SDK1: variants seen among roughly 807,000 people sequenced by gnomAD.
SDK1 encodes the protein protein sidekick-1.
In SDK1, 157 loss-of-function variants were observed where a neutral mutation model predicts 245.5. That is an observed-to-expected ratio of 0.64 (90% CI 0.56 to 0.73). The LOEUF is 0.73. Ranked by LOEUF, SDK1 falls within the 30% of genes least tolerant of loss-of-function variation. The pLI, the probability that SDK1 is intolerant of heterozygous loss-of-function variation, is 0.00. For missense variants in SDK1, 3,583 were observed against 3,002.3 expected (o/e 1.19, Z -4.52); for synonymous variants, 1,647 against 1,278.5 (o/e 1.29, Z -6.15).
intron 4 of SDK1, among the ~76,000 whole-genome samples, chr7:3,660,303 C>A (rs971051678): frequency 1.3e-5 from 2 of 151,846 alleles, no homozygotes; most frequent in Admixed American, 6.6e-5. Context: ...ATACCATGGA[C>A]CACCAAGAAG....
At chr7:3,552,707 T>G (rs772624908) in intron 1 of SDK1, among the ~76,000 whole-genome samples, 5 of 152,228 alleles carry the variant, frequency 3.3e-5, no homozygotes, top group Non-Finnish European at 5.9e-5. Context: ...TTAGCTGTCA[T>G]GCAATTTGCT....
At chr7:4,112,431 A>T (rs144587848) in intron 23 of SDK1, among the ~76,000 whole-genome samples, 9 of 152,300 alleles carry the variant, frequency 5.9e-5, no homozygotes, top group African/African-American at 1.9e-4. Context: ...TTGGGGTTCA[A>T]GATATTTTCC....
chr7:3,765,077 A>G (rs1168959220), intron 4 of SDK1, among the ~76,000 whole-genome samples: 1 of 152,176 alleles, frequency 6.6e-6, no homozygotes, highest in Non-Finnish European at 1.5e-5. Flanking sequence ...TCTTTTAATA[A>G]TTATAGTTTT....
intron 1 of SDK1, among the ~76,000 whole-genome samples, chr7:3,428,071 G>T (rs749789777): frequency 6.6e-6 from 1 of 152,152 alleles, no homozygotes; most frequent in African/African-American, 2.4e-5. Flanking sequence ...TGTCAAGTGG[G>T]TTAATCACTG....
At position 4,111,293 on chromosome 7, in the gene SDK1, G is replaced by A. The variant is rs145781582; in HGVS notation, c.3434+521G>A. Among the ~76,000 whole-genome samples, 136 of 152,292 alleles carry A rather than the reference G, an allele frequency of 8.9e-4. 1 individual carries two copies. Among genetic ancestry groups the A allele is most frequent in the African/African-American group, 3.1e-3 (128 of 41,556 alleles). On this transcript the variant is annotated intron_variant, in intron 23 of 44. Transcript: ENST00000404826. Reference sequence around the variant, plus strand: ...AGTAAATCCTTGGCTTTAACAAAGGGTAGGGTGATTATGAGCTGTTAGTAC... The same window carrying A: ...AGTAAATCCTTGGCTTTAACAAAGGATAGGGTGATTATGAGCTGTTAGTAC...
intron 35 of SDK1, among the ~76,000 whole-genome samples, chr7:4,202,150 C>A (rs562532653): frequency 1.3e-5 from 2 of 152,326 alleles, no homozygotes; most frequent in South Asian, 4.1e-4. Flanking sequence ...CCTGTCCCCA[C>A]ACTCCGCCTG....
At chr7:4,199,024 A>C (rs754121274) in intron 35 of SDK1, among the ~76,000 whole-genome samples, 10 of 152,062 alleles carry the variant, frequency 6.6e-5, no homozygotes, top group Non-Finnish European at 1.0e-4. Context: ...CATGTTGGCC[A>C]GGCTTGTCTT....
intron 1 of SDK1, among the ~76,000 whole-genome samples, chr7:3,589,523 A>G (rs908954259): frequency 6.6e-6 from 1 of 152,198 alleles, no homozygotes; most frequent in African/African-American, 2.4e-5. Context: ...ATGAAGAAAT[A>G]CCTGAGACTG....
intron 1 of SDK1, among the ~76,000 whole-genome samples, chr7:3,544,893 A>G (rs984189543): frequency 6.6e-6 from 1 of 152,216 alleles, no homozygotes. Flanking sequence ...GCCATCTCAG[A>G]TGCTGCTGAT....
chr7:3,442,238 A>G (rs961434141), intron 1 of SDK1, among the ~76,000 whole-genome samples: 8 of 152,222 alleles, frequency 5.3e-5, no homozygotes, highest in Admixed American at 4.6e-4. Context: ...CATGTCTTTT[A>G]TAGCACATAG....
intron 5 of SDK1, among the ~76,000 whole-genome samples, chr7:3,908,026 C>T (rs1779016079): frequency 6.6e-6 from 1 of 152,152 alleles, no homozygotes; most frequent in African/African-American, 2.4e-5. Context: ...TGCTTTGATA[C>T]ATTGTTTCCT....
Position 3,647,807 on chromosome 7 carries a change from T to A in SDK1, c.713+5702T>A, listed in dbSNP as rs111801760. 6.3e-3 allele frequency among the ~76,000 whole-genome samples: 966 copies of A among 152,196 alleles called. 16 individuals are homozygous for A. The highest frequency in any genetic ancestry group is 0.022 in the African/African-American group (907 of 41,518). On this transcript the variant is annotated intron_variant, in intron 4 of 44. Coordinates refer to ENST00000404826, the MANE Select transcript of SDK1 (RefSeq NM_152744.4). ...CTTGGTATGCATAGGAGATACACAG[T>A]GCTGGAATGGCTGGATGAATGAATG...
chr7:3,575,522 G>C (rs1780258033), intron 1 of SDK1, among the ~76,000 whole-genome samples: 1 of 151,928 alleles, frequency 6.6e-6, no homozygotes, highest in Admixed American at 6.6e-5. Flanking sequence ...ACATTTTCGG[G>C]TTGGGGTGAG....
rs1784169920 is a variant in SDK1 at position 3,989,946 on chromosome 7, G to T, written c.2131+2624G>T. Among the ~76,000 whole-genome samples, 7 of 152,192 alleles carry T rather than the reference G, an allele frequency of 4.6e-5. 1 individual carries two copies. The South Asian group carries it at 1.5e-3, about 32-fold the overall frequency. On this transcript the variant is annotated intron_variant, in intron 14 of 44. Transcript: ENST00000404826. ...GCCCAGGGTCACATGGCGATGGGAG[G>T]GGAAGATGGGATCCCTGTGCTGTCT... is the stretch of plus-strand genomic sequence containing the variant.
chr7:3,658,515 A>G (rs1783257608), intron 4 of SDK1, among the ~76,000 whole-genome samples: 1 of 151,550 alleles, frequency 6.6e-6, no homozygotes, highest in Admixed American at 6.6e-5. Context: ...TTGAGATGTA[A>G]TTTACCTACC....
In SDK1 at chr7:4,205,844, C is replaced by T. The variant is rs200428297; in HGVS notation, c.5099-35C>T. ...AGGGTCCGGGCCGGCTCTGAATGAA[C>T]GTCTCAGCTTCTCTCCGCATTGCTC... On this transcript the variant is annotated intron_variant, in intron 35 of 44. Transcript: ENST00000404826. 502 of 1,507,182 alleles carry T rather than the reference C, an allele frequency of 3.3e-4. 3 individuals are homozygous for T. The highest frequency in any genetic ancestry group is 3.0e-3 in the South Asian group (247 of 83,162). The allele number at this position is 1,507,182 out of a possible 1,614,324, so 93.4% of individuals were successfully genotyped here.
At chr7:3,604,516 T>C (rs1583217231) in intron 1 of SDK1, among the ~76,000 whole-genome samples, 1 of 152,110 alleles carries the variant, frequency 6.6e-6, no homozygotes, top group Admixed American at 6.5e-5. Flanking sequence ...CATATTTTGA[T>C]ATGCTGTATT....
chr7:4,079,343 A>G, intron 21 of SDK1, 120 bp from the exon 22 acceptor site: 1 of 1,223,910 alleles, frequency 8.2e-7, no homozygotes, highest in Non-Finnish European at 1.1e-6. Flanking sequence ...TTGAGAGCAA[A>G]TCCTTTTTTG....
intron 14 of SDK1, among the ~76,000 whole-genome samples, chr7:3,990,582 C>T (rs1280223542): frequency 6.6e-6 from 1 of 152,190 alleles, no homozygotes; most frequent in African/African-American, 2.4e-5. Context: ...CAGGGGAGAG[C>T]TCGTGTCATC....
Sources: allele counts gnomAD v4.1 joint callset (sites outside exome capture counted in the v4.1 genomes callset), GRCh38; gene constraint gnomAD v4.1.1; transcripts MANE v1.5; gene names NCBI Gene and HGNC (gene_info 2026-07-23, HGNC 2026-07-21).